The following CNTLN variants were observed in gnomAD, a reference collection of about 807,000 sequenced individuals.
The protein encoded by CNTLN is centlein.
In CNTLN, 212 loss-of-function variants were observed where a neutral mutation model predicts 180.0. That is an observed-to-expected ratio of 1.18 (90% CI 1.05 to 1.32). CNTLN has a LOEUF of 1.32. CNTLN is among the 40% of genes most tolerant of loss of function. The probability of loss-of-function intolerance (pLI) is 0.00; values close to 1 mark genes in which losing one functional copy is unlikely to be tolerated. For synonymous variants in CNTLN, 722 were observed against 563.1 expected (o/e 1.28, Z -3.99); for missense variants, 2,095 against 1,610.9 (o/e 1.30, Z -5.14).
chr9:17,246,489 T>C (rs1006823804), intron 5 of CNTLN, among the ~76,000 whole-genome samples: 5 of 152,146 alleles, frequency 3.3e-5, no homozygotes, highest in African/African-American at 1.2e-4. Context: ...AGGAGCTGGG[T>C]CATACTTGAA....
chr9:17,492,022 C>G (rs776430068), intron 25 of CNTLN, among the ~76,000 whole-genome samples: 46 of 152,202 alleles, frequency 3.0e-4, no homozygotes, highest in Middle Eastern at 3.4e-3. Flanking sequence ...CATACTCACT[C>G]ACTCACTCTG....
chr9:17,262,861 G>A (rs75662954), intron 5 of CNTLN, among the ~76,000 whole-genome samples: 8,713 of 151,210 alleles, frequency 0.058, 564 homozygotes, highest in East Asian at 0.18. Context: ...TAGATGGCTC[G>A]TAGTATTTTG....
chr9:17,186,137 A>G (rs188061331), intron 2 of CNTLN, among the ~76,000 whole-genome samples: 3 of 152,170 alleles, frequency 2.0e-5, no homozygotes, highest in Admixed American at 1.3e-4. Flanking sequence ...AATTTATTTC[A>G]TCTTGGACTT....
intron 5 of CNTLN, among the ~76,000 whole-genome samples, chr9:17,268,303 C>G (rs1016882690): frequency 5.3e-5 from 8 of 152,204 alleles, no homozygotes; most frequent in African/African-American, 1.7e-4. Flanking sequence ...GAGGTCCACT[C>G]CAGACCCTGT....
chr9:17,172,233 A>C (rs138101440), intron 2 of CNTLN, among the ~76,000 whole-genome samples: 11 of 152,246 alleles, frequency 7.2e-5, no homozygotes, highest in African/African-American at 2.6e-4. Flanking sequence ...GACAAAATGC[A>C]GAGAGTCTGT....
intron 6 of CNTLN, among the ~76,000 whole-genome samples, chr9:17,288,488 A>AT (rs1364519478): frequency 7.0e-6 from 1 of 142,688 alleles, no homozygotes; most frequent in Non-Finnish European, 1.5e-5. Context: ...TATTCTGTTG[A>AT]TTTGGGGTGG....
chr9:17,340,757 C>T, intron 10 of CNTLN, 70 bp from the exon 11 acceptor site: 2 of 1,310,780 alleles, frequency 1.5e-6, no homozygotes, highest in Non-Finnish European at 2.1e-6. Context: ...AGATGGGTAA[C>T]CTTTTATTTG....
intron 13 of CNTLN, among the ~76,000 whole-genome samples, chr9:17,376,312 T>G (rs911822735): frequency 4.6e-5 from 7 of 152,042 alleles, no homozygotes; most frequent in African/African-American, 1.7e-4. Flanking sequence ...TTTTGAAAAA[T>G]TATACATACT....
chr9:17,380,519 C>T (rs1825155812), intron 13 of CNTLN, among the ~76,000 whole-genome samples: 1 of 152,166 alleles, frequency 6.6e-6, no homozygotes, highest in Non-Finnish European at 1.5e-5. Flanking sequence ...CCTTCAGAGA[C>T]TGCAGTCCAT....
At chr9:17,274,217 CTTTAA>C (rs1316996699) in intron 6 of CNTLN, among the ~76,000 whole-genome samples, 1 of 151,948 alleles carries the variant, frequency 6.6e-6, no homozygotes, top group African/African-American at 2.4e-5. Flanking sequence ...CAAATTTTGA[CTTTAA>C]TTTTATTATA....
chr9:17,162,606 T>G (rs971750646), intron 2 of CNTLN, among the ~76,000 whole-genome samples: 7 of 152,204 alleles, frequency 4.6e-5, no homozygotes, highest in Non-Finnish European at 1.0e-4. Flanking sequence ...CAAATGCTCT[T>G]GAGGACCTCA....
At chr9:17,513,239 A>G in the CNTLN span, among the ~76,000 whole-genome samples, 3 of 152,302 alleles carry the variant, frequency 2.0e-5, no homozygotes, top group East Asian at 5.8e-4. Context: ...AATAGGATGG[A>G]AAAGGCAAAC....
chr9:17,317,640 G>C (rs1346749129), intron 8 of CNTLN, among the ~76,000 whole-genome samples: 1 of 152,092 alleles, frequency 6.6e-6, no homozygotes, highest in African/African-American at 2.4e-5. Flanking sequence ...GAGTGATAGG[G>C]CTTTTTTGTG....
chr9:17,448,135 A>G (rs185169921), intron 18 of CNTLN: 203 of 207,184 alleles, frequency 9.8e-4, no homozygotes, highest in African/African-American at 4.4e-3. Flanking sequence ...GTTTCCAACC[A>G]TGGTGTTTTA....
At chr9:17,482,149 A>C (rs979108548) in intron 23 of CNTLN, among the ~76,000 whole-genome samples, 3 of 152,222 alleles carry the variant, frequency 2.0e-5, no homozygotes, top group African/African-American at 7.2e-5. Context: ...GCCCTCTTAA[A>C]GTTCAGTCAA....
rs779469074 is a variant in CNTLN, at chr9:17,332,718, A to C, written c.1632A>C (p.Ala544=). The C allele has an allele frequency of 6.3e-7, 1 of 1,599,962 alleles. No homozygotes were observed. Among genetic ancestry groups the C allele is most frequent in the African/African-American group, 1.4e-5 (1 of 74,020 alleles). The stretch of plus-strand genomic sequence containing the variant: ...GAAAGATTGAAAACTTAGAGAAGGC[A>C]CTACAACTAAAGGTGAACATTAAAT... ...AERKIENLEK[A]LQLKSQENDE... The change falls in exon 10 of 26, where the codon GCA becomes GCC. Residue 544 remains alanine (A), a synonymous_variant. Coordinates refer to ENST00000380647, the MANE Select transcript of CNTLN (RefSeq NM_017738.4).
chr9:17,413,741 CT>C (rs1564084841), intron 16 of CNTLN, among the ~76,000 whole-genome samples: 1 of 152,184 alleles, frequency 6.6e-6, no homozygotes, highest in Non-Finnish European at 1.5e-5. Context: ...GACAGGGAAA[CT>C]GGATCTCTCA....
chr9:17,303,883 G>A (rs1009647757), intron 7 of CNTLN, among the ~76,000 whole-genome samples: 1 of 152,092 alleles, frequency 6.6e-6, no homozygotes, highest in Non-Finnish European at 1.5e-5. Context: ...TGAATTAAAA[G>A]TATTACACTA....
Position 17,236,537 on chromosome 9 carries a change from G to A in CNTLN, c.798G>A (p.Lys266=), listed in dbSNP as rs745683651. ...TAAATGACCTGGAGAAATTGAGGAA[G>A]CAGGAAGCACATTTGAGAAAAGAAA... The part of the protein sequence containing the change: ...DLLNDLEKLR[K]QEAHLRKEKY... The change falls in exon 5 of 26, where the codon AAG becomes AAA. Residue 266 remains lysine, a synonymous_variant. Transcript: ENST00000380647. 6.2e-7 allele frequency: 1 copy of A among 1,613,386 alleles called. No individual in the cohort carries two copies. Among genetic ancestry groups the A allele is most frequent in the Non-Finnish European group, 8.5e-7 (1 of 1,179,674 alleles).
Sources: gnomAD v4.1 joint callset for allele counts (sites outside exome capture counted in the v4.1 genomes callset) on GRCh38, gnomAD v4.1.1 for gene constraint, MANE v1.5 for transcripts, NCBI Gene and HGNC (gene_info 2026-07-23, HGNC 2026-07-21) for gene names.